The following FUT8 variants were observed in gnomAD, a reference collection of about 807,000 sequenced individuals.
The protein encoded by FUT8 is fucosyltransferase 8.
In FUT8, 29 loss-of-function variants were observed where a neutral mutation model predicts 71.3. The ratio of observed to expected loss-of-function variants is 0.41; its 90% CI spans 0.30 to 0.55. The LOEUF (loss-of-function observed/expected upper bound fraction) is 0.55. Among genes scored for constraint, FUT8 ranks in the 20% least tolerant of loss-of-function variants. FUT8 has a pLI of 0.34. For missense variants in FUT8, 544 were observed against 702.1 expected, an observed-to-expected ratio of 0.77 and a Z score of 2.55; for synonymous variants, 254 against 239.3, an observed-to-expected ratio of 1.06 and a Z score of -0.57.
At chr14:65,468,625 T>A (rs542619311) in intron 2 of FUT8, among the ~76,000 whole-genome samples, 8 of 152,176 alleles carry the variant, frequency 5.3e-5, no homozygotes, top group Non-Finnish European at 1.0e-4. Context: ...TCTTATTTTC[T>A]GCAGCTTCAC....
At chr14:65,412,512 G>T (rs747718015), upstream of FUT8, 2 of 358,686 alleles carry the variant, frequency 5.6e-6, no homozygotes, top group Admixed American at 7.4e-5. Context: ...GCGAGCCGGA[G>T]CCGGCGTGCG....
At chr14:65,566,300 A>G (rs1886190951) in intron 3 of FUT8, among the ~76,000 whole-genome samples, 1 of 152,020 alleles carries the variant, frequency 6.6e-6, no homozygotes, top group East Asian at 1.9e-4. Context: ...ATTCTGCCAC[A>G]TTCTGTTCAT....
At chr14:65,625,606 AG>A (rs745899166) in intron 5 of FUT8, among the ~76,000 whole-genome samples, 14 of 152,244 alleles carry the variant, frequency 9.2e-5, no homozygotes, top group Non-Finnish European at 1.8e-4. Flanking sequence ...CTGTTTTAAA[AG>A]GGTGAAAATG....
Position 65,636,658 on chromosome 14 carries a change from G to A in FUT8, c.597+7052G>A, listed in dbSNP as rs573487615. 7 of 152,280 alleles carry A rather than the reference G, an allele frequency of 4.6e-5. No individual in the cohort carries two copies. The South Asian group carries it at 1.2e-3, about 27-fold the overall frequency. The allele number at this position is 152,280 out of a possible 1,614,324, so 9.4% of individuals were successfully genotyped here. A position where few individuals can be genotyped will look rare whatever the true frequency, so the allele number is the denominator to read the frequency against. ...TTCCATGTGTTTGCATGGTTTTAAA[G>A]GTTCCAGTTGGAGTTGATTTCTAGT... is the stretch of plus-strand genomic sequence containing the variant. On this transcript the variant is annotated intron_variant, in intron 6 of 10. Transcript: ENST00000673929.
intron 2 of FUT8, among the ~76,000 whole-genome samples, chr14:65,495,180 C>G (rs1236619938): frequency 1.3e-5 from 1 of 77,492 alleles, no homozygotes; most frequent in Non-Finnish European, 3.0e-5. Flanking sequence ...GTTTGCTTTT[C>G]CCTTAAAAAA....
chr14:65,615,322 G>A (rs571081741), intron 3 of FUT8, among the ~76,000 whole-genome samples: 1 of 152,058 alleles, frequency 6.6e-6, no homozygotes, highest in Non-Finnish European at 1.5e-5. Context: ...GCCCAGGCTG[G>A]CCATGAACTC....
At chr14:65,617,046 C>G in intron 5 of FUT8, 1 of 1,560,950 alleles carries the variant, frequency 6.4e-7, no homozygotes, top group Non-Finnish European at 8.6e-7. Context: ...ACAGTGAAAC[C>G]TGTCTTTAGG....
chr14:65,440,634 T>A (rs2065640406), intron 1 of FUT8, among the ~76,000 whole-genome samples: 1 of 151,920 alleles, frequency 6.6e-6, no homozygotes, highest in African/African-American at 2.4e-5. Flanking sequence ...TAACTTCTAT[T>A]TGCCAATTAA....
Position 65,545,099 on chromosome 14 carries a change from A to G in FUT8, c.-227-16238A>G, listed in dbSNP as rs531551227. Among the ~76,000 whole-genome samples, 4 of 151,948 alleles carry G rather than the reference A, an allele frequency of 2.6e-5. No homozygotes were observed. In the East Asian group the frequency reaches 7.7e-4, roughly 29 times the overall value. ...TTTACATAAAGTAAAAGTTTATTTC[A>G]GCTAGCATTAAAGGACCCTTTTAAT... On this transcript the variant is annotated intron_variant, in intron 2 of 10. Transcript: ENST00000673929.
chr14:65,481,982 ATTTG>A (rs1192833778), intron 2 of FUT8, among the ~76,000 whole-genome samples: 3 of 152,150 alleles, frequency 2.0e-5, no homozygotes, highest in East Asian at 1.9e-4. Flanking sequence ...TTATGATGAA[ATTTG>A]TTTGTTCTCA....
chr14:65,421,211 A>T (rs1386457323), intron 1 of FUT8, among the ~76,000 whole-genome samples: 2 of 151,862 alleles, frequency 1.3e-5, no homozygotes, highest in Non-Finnish European at 2.9e-5. Flanking sequence ...AAAAAAAAAA[A>T]AAAAATCATA....
chr14:65,458,521 CTG>C (rs897413986), intron 2 of FUT8, among the ~76,000 whole-genome samples: 45 of 152,214 alleles, frequency 3.0e-4, no homozygotes, highest in African/African-American at 1.0e-3. Context: ...TATAAGGAAA[CTG>C]TAGTTCATTA....
the FUT8 span, among the ~76,000 whole-genome samples, chr14:65,371,933 C>T: frequency 6.6e-6 from 1 of 152,124 alleles, no homozygotes; most frequent in African/African-American, 2.4e-5. Flanking sequence ...CAAACACATA[C>T]ATTTACATCT....
At chr14:65,530,159 G>A (rs913550750) in intron 2 of FUT8, among the ~76,000 whole-genome samples, 2 of 151,918 alleles carry the variant, frequency 1.3e-5, no homozygotes, top group Non-Finnish European at 2.9e-5. Context: ...TTGTTGTGTT[G>A]GCCTTTCTGT....
At chr14:65,569,648 C>G (rs1450040611) in intron 3 of FUT8, among the ~76,000 whole-genome samples, 1 of 151,648 alleles carries the variant, frequency 6.6e-6, no homozygotes, top group African/African-American at 2.4e-5. Context: ...TCTAATATAA[C>G]TATTATATTT....
At chr14:65,415,212 T>G (rs184739658) in intron 1 of FUT8, among the ~76,000 whole-genome samples, 5 of 152,274 alleles carry the variant, frequency 3.3e-5, no homozygotes, top group Non-Finnish European at 5.9e-5. Flanking sequence ...AAGTATAGCT[T>G]AATAGCTGTT....
chr14:65,647,637 T>C (rs1437293797), intron 6 of FUT8, among the ~76,000 whole-genome samples: 1 of 152,220 alleles, frequency 6.6e-6, no homozygotes, highest in East Asian at 1.9e-4. Context: ...TGGGACATCT[T>C]CTTTCCAGCT....
In FUT8 at chr14:65,607,791, C is replaced by T. The variant is rs1056282094; in HGVS notation, c.204-8187C>T. 1.8e-4 allele frequency among the ~76,000 whole-genome samples: 28 copies of T among 151,800 alleles called. 1 individual carries two copies. The highest frequency in any genetic ancestry group is 2.9e-5 in the Non-Finnish European group (2 of 67,852). On this transcript the variant is annotated intron_variant, in intron 3 of 10. Transcript: ENST00000673929. This position sits in a 1 kb window ranked among gnomAD's most constrained non-coding sequence, Gnocchi z 4.1. ...AAAAATGCTAGAACCTGGCCAGGCA[C>T]GGTAGCTCATGCCTGTAATCCCAGC... is the stretch of plus-strand genomic sequence containing the variant.
chr14:65,733,699 C>T (rs147626629), intron 10 of FUT8, among the ~76,000 whole-genome samples: 1 of 152,292 alleles, frequency 6.6e-6, no homozygotes, highest in East Asian at 1.9e-4. Context: ...TTACTTAATA[C>T]TTTCTAATTT....
Sources: gnomAD v4.1 joint callset for allele counts (sites outside exome capture counted in the v4.1 genomes callset) on GRCh38, gnomAD v4.1.1 for gene constraint, Gnocchi (gnomAD v3.1) non-coding constraint, MANE v1.5 for transcripts, NCBI Gene and HGNC (gene_info 2026-07-23, HGNC 2026-07-21) for gene names.